The following PGR variants were observed in gnomAD, a reference collection of about 807,000 sequenced individuals.
PGR encodes nuclear receptor subfamily 3 group C member 3.
PGR carries 25 observed loss-of-function variants against 76.1 expected under a neutral mutation model. That is an observed-to-expected ratio of 0.33 (90% CI 0.24 to 0.46). PGR has a LOEUF of 0.46. Ranked by LOEUF, PGR falls within the 20% of genes least tolerant of loss-of-function variation. The pLI, the probability that PGR is intolerant of heterozygous loss-of-function variation, is 1.00. For synonymous variants in PGR, 579 were observed against 535.0 expected, an observed-to-expected ratio of 1.08 and a Z score of -1.14; for missense variants, 1,172 against 1,225.3, an observed-to-expected ratio of 0.96 and a Z score of 0.65.
chr11:101,073,281 A>G (rs1861010473), intron 3 of PGR, among the ~76,000 whole-genome samples: 1 of 152,218 alleles, frequency 6.6e-6, no homozygotes, highest in Admixed American at 6.5e-5. Context: ...ACCAATGAGA[A>G]CAAAGACACA....
In PGR at chr11:101,035,136, A is replaced by G. The variant is rs962004609; in HGVS notation, c.*3980T>C. On this transcript the variant is annotated 3_prime_UTR_variant, in exon 8 of 8. Coordinates refer to ENST00000325455, the MANE Select transcript of PGR (RefSeq NM_000926.4). ...TGAACAGGCATACTTTGGGAAAAAC[A>G]AACTTATGCCATTACTTGTCTCCTT... The G allele has an allele frequency of 4.7e-6, 1 of 210,576 alleles. No homozygotes were observed. Among genetic ancestry groups the G allele is most frequent in the Non-Finnish European group, 9.6e-6 (1 of 103,806 alleles). 13.0% of individuals were successfully genotyped at this position (210,576 alleles called of 1,614,324 possible). A position where few individuals can be genotyped will look rare whatever the true frequency, so the allele number is the denominator to read the frequency against.
intron 3 of PGR, among the ~76,000 whole-genome samples, chr11:101,070,347 T>C (rs1860884393): frequency 6.6e-6 from 1 of 152,174 alleles, no homozygotes; most frequent in African/African-American, 2.4e-5. Context: ...GAGATTCCCT[T>C]GGGTGCCTAA....
At chr11:101,062,331 C>T in intron 4 of PGR, 116 bp downstream of exon 4, 1 of 793,270 alleles carries the variant, frequency 1.3e-6, no homozygotes, top group East Asian at 2.7e-5. Flanking sequence ...CATACTATCA[C>T]ATACTGTTTT....
rs1859508035 is a variant in PGR, at chr11:101,036,120, AAC to A, written c.*2994_*2995del. ...GTTATCTCCACAGTGCCCATCATCA[AAC>A]ACATGACTATCTGTGGATAATTTAA... On this transcript the variant is annotated 3_prime_UTR_variant, in exon 8 of 8. Coordinates refer to ENST00000325455, the MANE Select transcript of PGR (RefSeq NM_000926.4). 1 of 218,278 alleles carries A rather than the reference AAC, an allele frequency of 4.6e-6. No homozygotes were observed. The highest frequency in any genetic ancestry group is 6.8e-5 in the East Asian group (1 of 14,682). 13.5% of individuals were successfully genotyped at this position (218,278 alleles called of 1,614,324 possible). A position where few individuals can be genotyped will look rare whatever the true frequency, so the allele number is the denominator to read the frequency against.
intron 3 of PGR, among the ~76,000 whole-genome samples, chr11:101,089,495 CTTATCA>C (rs1046897443): frequency 1.3e-5 from 2 of 152,158 alleles, no homozygotes; most frequent in African/African-American, 2.4e-5. Context: ...TTCCACAGCA[CTTATCA>C]TTATTTGACA....
rs1859373833 is a variant in PGR, at chr11:101,032,160, T to A, written c.*6956A>T. ...GACAATTTATATGGTGTATTTCATCTCCTTTCGTCAGTCCTGTCAATGTTC... is the reference window on the plus strand; with the variant it reads ...GACAATTTATATGGTGTATTTCATCACCTTTCGTCAGTCCTGTCAATGTTC... On this transcript the variant is annotated 3_prime_UTR_variant, in exon 8 of 8. Transcript: ENST00000325455. 4.3e-6 allele frequency: 1 copy of A among 232,782 alleles called. No homozygotes were observed. The highest frequency in any genetic ancestry group is 5.6e-5 in the Admixed American group (1 of 17,766). 14.4% of individuals were successfully genotyped at this position (232,782 alleles called of 1,614,324 possible).
chr11:101,073,920 C>G (rs992525788), intron 3 of PGR, among the ~76,000 whole-genome samples: 2 of 152,106 alleles, frequency 1.3e-5, no homozygotes, highest in African/African-American at 4.8e-5. Context: ...GAGCTGGCAC[C>G]ATTCTTTCTA....
intron 4 of PGR, among the ~76,000 whole-genome samples, chr11:101,055,937 A>G (rs1360670512): frequency 6.6e-6 from 1 of 152,218 alleles, no homozygotes; most frequent in Non-Finnish European, 1.5e-5. Context: ...TTTGTTTGAC[A>G]GAATGGAATA....
chr11:101,112,853 G>C (rs1480095059), intron 2 of PGR, among the ~76,000 whole-genome samples: 1 of 152,096 alleles, frequency 6.6e-6, no homozygotes, highest in Non-Finnish European at 1.5e-5. Flanking sequence ...TAAGAGAGAA[G>C]GTTCTGTGGG....
Position 101,033,313 on chromosome 11 carries a change from A to G in PGR, c.*5803T>C, listed in dbSNP as rs1262769052. ...CAAGCAGAGCCACATCTCTGTTTCA[A>G]CAAGAATATGGTATGTTTGTATTAA... On this transcript the variant is annotated 3_prime_UTR_variant, in exon 8 of 8. Coordinates refer to ENST00000325455, the MANE Select transcript of PGR (RefSeq NM_000926.4). The G allele has an allele frequency of 4.9e-6, 1 of 202,826 alleles. No homozygotes were observed. Among genetic ancestry groups the G allele is most frequent in the Non-Finnish European group, 1.0e-5 (1 of 98,762 alleles). The allele number at this position is 202,826 out of a possible 1,614,324, so 12.6% of individuals were successfully genotyped here.
At chr11:101,053,398 C>G (rs1860164678) in intron 4 of PGR, among the ~76,000 whole-genome samples, 3 of 152,096 alleles carry the variant, frequency 2.0e-5, no homozygotes, top group Non-Finnish European at 4.4e-5. Flanking sequence ...TCAATAAGAC[C>G]AAAAACTCAA....
intron 3 of PGR, among the ~76,000 whole-genome samples, chr11:101,076,919 A>ATTTTTTTTTTT (rs59106149): frequency 2.6e-4 from 17 of 65,150 alleles, no homozygotes; most frequent in African/African-American, 4.6e-4. Flanking sequence ...TACAAATGGA[A>ATTTTTTTTTTT]TTTTTTTTTT....
rs1463244694 is a variant in PGR, at chr11:101,031,606, G to A, written c.*7510C>T. ...AGAATTTAGCTTTTTTTTTTTTTTTGGAGTGGGTATACCATTTTGTAATTC... is the reference window on the plus strand; with the variant it reads ...AGAATTTAGCTTTTTTTTTTTTTTTAGAGTGGGTATACCATTTTGTAATTC... On this transcript the variant is annotated 3_prime_UTR_variant, in exon 8 of 8. Coordinates refer to ENST00000325455, the MANE Select transcript of PGR (RefSeq NM_000926.4). 5.1e-6 allele frequency: 1 copy of A among 195,010 alleles called. No individual in the cohort carries two copies. The highest frequency in any genetic ancestry group is 1.0e-5 in the Non-Finnish European group (1 of 98,806). 12.1% of individuals were successfully genotyped at this position (195,010 alleles called of 1,614,324 possible). A position where few individuals can be genotyped will look rare whatever the true frequency, so the allele number is the denominator to read the frequency against.
intron 2 of PGR, among the ~76,000 whole-genome samples, chr11:101,097,567 C>A (rs777542450): frequency 3.9e-5 from 6 of 152,046 alleles, no homozygotes; most frequent in Non-Finnish European, 4.4e-5. Flanking sequence ...CCTATTGTTT[C>A]GCTTATATTT....
intron 2 of PGR, among the ~76,000 whole-genome samples, chr11:101,124,317 G>T (rs1862772996): frequency 6.6e-6 from 1 of 152,116 alleles, no homozygotes; most frequent in South Asian, 2.1e-4. Context: ...TAGTTAGGGT[G>T]CTCTTTGTTC....
intron 3 of PGR, among the ~76,000 whole-genome samples, chr11:101,074,978 A>T (rs1226669394): frequency 1.3e-5 from 2 of 152,180 alleles, no homozygotes; most frequent in Non-Finnish European, 2.9e-5. Context: ...AACTACTTTA[A>T]ATTTCCTATG....
rs541360622 is a variant in PGR, at chr11:101,042,214, A to G, written c.2489-112T>C. 2.4e-3 allele frequency: 2,412 copies of G among 1,012,136 alleles called. 6 individuals are homozygous for G. Among genetic ancestry groups the G allele is most frequent in the South Asian group, 8.2e-3 (579 of 70,948 alleles). The allele number at this position is 1,012,136 out of a possible 1,614,324, so 62.7% of individuals were successfully genotyped here. A position where few individuals can be genotyped will look rare whatever the true frequency, so the allele number is the denominator to read the frequency against. ...ATTTCTTCTGATACATGACTCTAGA[A>G]AAAAAACACCTTATATAGGAAAGAG... On this transcript the variant is annotated intron_variant, in intron 6 of 7. Transcript: ENST00000325455.
intron 3 of PGR, among the ~76,000 whole-genome samples, chr11:101,067,724 A>G (rs1304319747): frequency 1.3e-5 from 2 of 152,184 alleles, no homozygotes; most frequent in Admixed American, 6.5e-5. Context: ...AATACATGAG[A>G]ATAAATAAAT....
At chr11:101,067,158 C>T (rs567960815) in intron 3 of PGR, among the ~76,000 whole-genome samples, 11 of 152,242 alleles carry the variant, frequency 7.2e-5, no homozygotes, top group Non-Finnish European at 1.2e-4. Flanking sequence ...CTTACACTGA[C>T]AAGTTCCTCT....
Sources: allele counts gnomAD v4.1 joint callset (sites outside exome capture counted in the v4.1 genomes callset), GRCh38; gene constraint gnomAD v4.1.1; transcripts MANE v1.5; gene names NCBI Gene and HGNC (gene_info 2026-07-23, HGNC 2026-07-21).